DMD: variants seen among roughly 807,000 people sequenced by gnomAD.
The protein encoded by DMD is dystrophin.
DMD carries 63 observed loss-of-function variants against 330.1 expected under a neutral mutation model. The ratio of observed to expected loss-of-function variants is 0.19; its 90% CI spans 0.16 to 0.24. The LOEUF (loss-of-function observed/expected upper bound fraction) is 0.24. Among genes scored for constraint, DMD ranks in the 10% least tolerant of loss-of-function variants. The probability of loss-of-function intolerance (pLI) is 1.00; values close to 1 mark genes in which losing one functional copy is unlikely to be tolerated. For missense variants in DMD, 3,344 were observed against 2,684.1 expected, an observed-to-expected ratio of 1.25 and a Z score of -5.43; for synonymous variants, 1,223 against 959.8, an observed-to-expected ratio of 1.27 and a Z score of -5.07.
At chrX:31,492,468 T>C (rs2069399492) in intron 57 of DMD, among the ~76,000 whole-genome samples, 1 of 112,004 alleles carries the variant, frequency 8.9e-6, no homozygotes, top group Admixed American at 9.5e-5. Flanking sequence ...TCAGGAGCGA[T>C]GATGTTGTTT....
At chrX:32,815,520 T>TATATATATATACACACACAC in intron 6 of DMD, among the ~76,000 whole-genome samples, 17 of 78,914 alleles carry the variant, frequency 2.2e-4, no homozygotes, top group African/African-American at 8.5e-4. Context: ...TATATATATA[T>TATATATATATACACACACAC]ACACACACAC....
intron 77 of DMD, among the ~76,000 whole-genome samples, chrX:31,126,940 A>C (rs1006239987): frequency 9.0e-6 from 1 of 111,720 alleles, no homozygotes; most frequent in Non-Finnish European, 1.9e-5. Flanking sequence ...CATAGAGTTC[A>C]CGCATTAAAC....
intron 55 of DMD, among the ~76,000 whole-genome samples, chrX:31,520,869 C>T (rs182329311): frequency 1.8e-3 from 195 of 110,299 alleles, no homozygotes; most frequent in African/African-American, 5.3e-3. Flanking sequence ...TAAGTAGATA[C>T]GGGGTGTCAC....
At chrX:32,687,776 C>A (rs896730779) in intron 9 of DMD, among the ~76,000 whole-genome samples, 2 of 110,710 alleles carry the variant, frequency 1.8e-5, no homozygotes, top group Non-Finnish European at 3.8e-5. Context: ...TTTTTATAAG[C>A]TCCCAAGTTT....
At chrX:31,408,618 C>T (rs1019054139) in intron 60 of DMD, among the ~76,000 whole-genome samples, 2 of 111,188 alleles carry the variant, frequency 1.8e-5, no homozygotes, top group African/African-American at 3.3e-5. Flanking sequence ...AGGCTGGTCT[C>T]GAAGTCCTGA....
chrX:32,852,886 C>T (rs2081251026), intron 2 of DMD, among the ~76,000 whole-genome samples: 1 of 110,330 alleles, frequency 9.1e-6, no homozygotes, highest in Non-Finnish European at 1.9e-5. Context: ...GAAGAGAGCA[C>T]CAGATAGATT....
intron 7 of DMD, among the ~76,000 whole-genome samples, chrX:32,735,250 T>A (rs1054527141): frequency 9.1e-6 from 1 of 109,347 alleles, no homozygotes; most frequent in African/African-American, 3.4e-5. Flanking sequence ...AAACCACTGC[T>A]CAATGAAATA....
chrX:32,910,676 C>T (rs1028783894), intron 2 of DMD, among the ~76,000 whole-genome samples: 2 of 111,440 alleles, frequency 1.8e-5, no homozygotes, highest in East Asian at 2.8e-4. Flanking sequence ...ATCCTGACCT[C>T]GTGATCCGCC....
At chrX:32,081,258 C>A (rs2096389472) in intron 44 of DMD, among the ~76,000 whole-genome samples, 1 of 112,268 alleles carries the variant, frequency 8.9e-6, no homozygotes. Context: ...GGCTTCTCAA[C>A]AACAGAGTGC....
At chrX:31,676,947 T>C (rs1374276393) in intron 53 of DMD, among the ~76,000 whole-genome samples, 1 of 111,752 alleles carries the variant, frequency 8.9e-6, no homozygotes, top group African/African-American at 3.3e-5. Flanking sequence ...GGAACTTACA[T>C]TGAATCTGCA....
In DMD at chrX:33,122,544, T is replaced by C. The variant is rs189368382; in HGVS notation, c.31+88738A>G. ...TCTAGATTTCCTGATAATTGAGTGA[T>C]AACTTCAGCACTCCTTAGTCACTTT... On this transcript the variant is annotated intron_variant, in intron 1 of 78. Transcript: ENST00000357033. 3.6e-5 allele frequency among the ~76,000 whole-genome samples: 4 copies of C among 112,302 alleles called. No individual in the cohort carries two copies. In the East Asian group the frequency reaches 1.1e-3, roughly 32 times the overall value.
intron 1 of DMD, among the ~76,000 whole-genome samples, chrX:33,147,568 A>G (rs1014952764): frequency 8.9e-6 from 1 of 112,073 alleles, no homozygotes; most frequent in African/African-American, 3.2e-5. Flanking sequence ...AACAACAAAC[A>G]TGCAATTTTC....
intron 48 of DMD, among the ~76,000 whole-genome samples, chrX:31,867,682 T>G (rs1382738620): frequency 1.8e-5 from 2 of 111,292 alleles, no homozygotes; most frequent in Non-Finnish European, 3.8e-5. Flanking sequence ...AGGTTATAGT[T>G]GTATGGGTCA....
intron 4 of DMD, among the ~76,000 whole-genome samples, chrX:32,828,412 C>A (rs186274369): frequency 9.2e-6 from 1 of 109,061 alleles, no homozygotes; most frequent in Non-Finnish European, 1.9e-5. Flanking sequence ...GTTATTATAA[C>A]AATTCACAGG....
At chrX:32,591,776 C>T (rs1220266217) in intron 13 of DMD, among the ~76,000 whole-genome samples, 1 of 112,831 alleles carries the variant, frequency 8.9e-6, no homozygotes, top group Non-Finnish European at 1.9e-5. Flanking sequence ...GCCACCCAGC[C>T]ACAGCTCCGG....
At chrX:32,033,645 G>GAAA (rs3038564) in intron 44 of DMD, among the ~76,000 whole-genome samples, 1 of 44,605 alleles carries the variant, frequency 2.2e-5, no homozygotes. Flanking sequence ...AAGAAAGAAA[G>GAAA]AAAGAAAGAA....
At chrX:31,849,926 C>T (rs1379870) in intron 48 of DMD, among the ~76,000 whole-genome samples, 14,967 of 110,228 alleles carry the variant, frequency 0.14, 822 homozygotes, top group Middle Eastern at 0.24. Flanking sequence ...TTTAAGTACA[C>T]GTGCAAGTTT....
chrX:32,097,321 A>G (rs1220780635), intron 44 of DMD, among the ~76,000 whole-genome samples: 3 of 109,922 alleles, frequency 2.7e-5, no homozygotes, highest in South Asian at 4.0e-4. Context: ...TCATTGCTCA[A>G]CTCCCAATTA....
At chrX:31,425,179 T>C (rs1280662010) in intron 60 of DMD, among the ~76,000 whole-genome samples, 1 of 111,997 alleles carries the variant, frequency 8.9e-6, no homozygotes, top group Non-Finnish European at 1.9e-5. Context: ...TTTCATTACC[T>C]GAAGGGACAG....
Sources: gnomAD v4.1 joint callset for allele counts (sites outside exome capture counted in the v4.1 genomes callset) on GRCh38, gnomAD v4.1.1 for gene constraint, MANE v1.5 for transcripts, NCBI Gene and HGNC (gene_info 2026-07-23, HGNC 2026-07-21) for gene names.